CCDC7: variants seen among roughly 807,000 people sequenced by gnomAD.
The protein encoded by CCDC7 is coiled-coil domain containing 7, also known as coiled-coil domain-containing protein 7.
In CCDC7, 183 loss-of-function variants were observed where a neutral mutation model predicts 196.9. The ratio of observed to expected loss-of-function variants is 0.93; its 90% CI spans 0.82 to 1.05. CCDC7 has a LOEUF of 1.05. CCDC7 is among the 50% of genes least tolerant of loss of function. The pLI is 0.00. For synonymous variants in CCDC7, 525 were observed against 484.6 expected, an observed-to-expected ratio of 1.08 and a Z score of -1.10; for missense variants, 1,540 against 1,482.2, an observed-to-expected ratio of 1.04 and a Z score of -0.64.
intron 18 of CCDC7, among the ~76,000 whole-genome samples, chr10:32,610,746 A>G (rs1157569933): frequency 1.3e-5 from 2 of 152,200 alleles, no homozygotes; most frequent in Non-Finnish European, 2.9e-5. Context: ...TGCAAAGGAC[A>G]TGAACTCATC....
At chr10:32,473,716 A>G (rs1383470994) in intron 7 of CCDC7, among the ~76,000 whole-genome samples, 5 of 152,208 alleles carry the variant, frequency 3.3e-5, no homozygotes, top group Non-Finnish European at 5.9e-5. Context: ...ATCAATGAAT[A>G]TAAGAGAATA....
chr10:32,595,200 G>C (rs141740311), intron 18 of CCDC7, among the ~76,000 whole-genome samples: 7,862 of 152,038 alleles, frequency 0.052, 671 homozygotes, highest in African/African-American at 0.18. Context: ...GGTTGGTAAG[G>C]TATTAATTAT....
At chr10:32,529,781 T>G (rs1220693186) in intron 11 of CCDC7, among the ~76,000 whole-genome samples, 1 of 152,192 alleles carries the variant, frequency 6.6e-6, no homozygotes, top group Admixed American at 6.6e-5. Flanking sequence ...TTTAATTGAG[T>G]CCCATCTATT....
chr10:32,779,056 A>C, exon 29 of CCDC7: 1 of 1,549,916 alleles, frequency 6.5e-7, no homozygotes, highest in Non-Finnish European at 8.7e-7. Flanking sequence ...GCGACCTAAT[A>C]ATTCAATTTG....
At chr10:32,817,881 A>G (rs2089152358) in intron 31 of CCDC7, among the ~76,000 whole-genome samples, 1 of 152,206 alleles carries the variant, frequency 6.6e-6, no homozygotes, top group African/African-American at 2.4e-5. Flanking sequence ...CACGGCAAAA[A>G]CATGCCAAAT....
intron 9 of CCDC7, among the ~76,000 whole-genome samples, chr10:32,501,997 T>A (rs898489361): frequency 6.6e-5 from 10 of 152,122 alleles, no homozygotes; most frequent in African/African-American, 2.4e-4. Context: ...CTCCAACCAG[T>A]TCGAACTTCC....
intron 21 of CCDC7, among the ~76,000 whole-genome samples, chr10:32,676,601 C>G (rs2075021999): frequency 6.6e-6 from 1 of 151,982 alleles, no homozygotes; most frequent in Non-Finnish European, 1.5e-5. Flanking sequence ...TTTATGCAGC[C>G]AAAAAACACA....
rs138433710 is a variant in CCDC7, at chr10:32,800,098, G to A, written c.3014-4917G>A. 4.5e-3 allele frequency among the ~76,000 whole-genome samples: 691 copies of A among 152,294 alleles called. 13 individuals carry two copies. The highest frequency in any genetic ancestry group is 0.016 in the African/African-American group (667 of 41,558). ...GCAGTTGGAGTAAACCCTTTGTTAA[G>A]CTTACGATAATCCACTATCATTCTC... On this transcript the variant is annotated intron_variant, in intron 29 of 41. Coordinates refer to ENST00000639629, the Ensembl canonical transcript of CCDC7.
intron 28 of CCDC7, among the ~76,000 whole-genome samples, chr10:32,732,271 A>G (rs2084116727): frequency 6.6e-6 from 1 of 152,198 alleles, no homozygotes; most frequent in South Asian, 2.1e-4. Context: ...TAATACTTGC[A>G]GAAAAGTGAG....
chr10:32,817,688 T>C (rs61856597), intron 31 of CCDC7, among the ~76,000 whole-genome samples: 46 of 148,180 alleles, frequency 3.1e-4, no homozygotes, highest in South Asian at 1.3e-3. Flanking sequence ...ATATTCAACA[T>C]TCTTAAAGAA....
chr10:32,879,418 G>A (rs187816063), downstream of CCDC7, among the ~76,000 whole-genome samples: 35 of 152,174 alleles, frequency 2.3e-4, no homozygotes, highest in Admixed American at 3.3e-4. Flanking sequence ...GCTGGAGGTC[G>A]TTGCTCGGGG....
chr10:32,715,460 G>C (rs192036770), intron 25 of CCDC7, among the ~76,000 whole-genome samples: 264 of 152,256 alleles, frequency 1.7e-3, no homozygotes, highest in Middle Eastern at 0.014. Flanking sequence ...GTGCAAAAAG[G>C]CTGAAAATTC....
At chr10:32,714,436 C>T (rs898505470) in intron 25 of CCDC7, among the ~76,000 whole-genome samples, 1 of 152,182 alleles carries the variant, frequency 6.6e-6, no homozygotes, top group Admixed American at 6.5e-5. Context: ...GGTGCCTACA[C>T]CACCAGGGCC....
intron 29 of CCDC7, among the ~76,000 whole-genome samples, chr10:32,800,159 A>C (rs2084476600): frequency 2.0e-5 from 3 of 152,190 alleles, no homozygotes. Context: ...GCCAAATGGG[A>C]GAGTTGAACA....
At chr10:32,485,936 A>G (rs1010788206) in intron 8 of CCDC7, among the ~76,000 whole-genome samples, 1 of 152,206 alleles carries the variant, frequency 6.6e-6, no homozygotes, top group Non-Finnish European at 1.5e-5. Flanking sequence ...CAATTTTGGA[A>G]TAAGTGCTGT....
At chr10:32,767,894 A>G (rs1298074978) in intron 28 of CCDC7, among the ~76,000 whole-genome samples, 1 of 152,132 alleles carries the variant, frequency 6.6e-6, no homozygotes, top group East Asian at 1.9e-4. Context: ...GAAATATATC[A>G]GAGAAATTTA....
chr10:32,525,517 A>G (rs1301618300), intron 11 of CCDC7, among the ~76,000 whole-genome samples: 1 of 152,220 alleles, frequency 6.6e-6, no homozygotes, highest in Admixed American at 6.5e-5. Flanking sequence ...CTGAAAAGTC[A>G]TATATCTCTG....
intron 28 of CCDC7, among the ~76,000 whole-genome samples, chr10:32,756,419 T>C (rs887808038): frequency 3.3e-5 from 5 of 152,300 alleles, no homozygotes; most frequent in Non-Finnish European, 5.9e-5. Flanking sequence ...TCCGCAGAAA[T>C]TCTATAAGCC....
At chr10:32,588,128 C>T (rs2059460908) in intron 18 of CCDC7, among the ~76,000 whole-genome samples, 1 of 152,138 alleles carries the variant, frequency 6.6e-6, no homozygotes, top group Non-Finnish European at 1.5e-5. Context: ...AGAGTTCCTA[C>T]CAGCAAGGAG....
Sources: gnomAD v4.1 joint callset for allele counts (sites outside exome capture counted in the v4.1 genomes callset) on GRCh38, gnomAD v4.1.1 for gene constraint, MANE v1.5 for transcripts, NCBI Gene and HGNC (gene_info 2026-07-23, HGNC 2026-07-21) for gene names.